ERN1: variants seen among roughly 807,000 people sequenced by gnomAD.
The protein encoded by ERN1 is serine/threonine-protein kinase/endoribonuclease IRE1.
ERN1 carries 39 observed loss-of-function variants against 113.1 expected under a neutral mutation model. The ratio of observed to expected loss-of-function variants is 0.34; its 90% confidence interval spans 0.27 to 0.45. ERN1 has a LOEUF of 0.45. ERN1 is among the 20% of genes least tolerant of loss of function. ERN1 has a pLI of 1.00. For missense variants in ERN1, 976 were observed against 1,274.8 expected (o/e 0.77, Z 3.57); for synonymous variants, 507 against 515.9 (o/e 0.98, Z 0.23).
chr17:64,065,455 G>A (rs773962404), intron 8 of ERN1, among the ~76,000 whole-genome samples, 168 bp from the exon 9 acceptor site: 1 of 152,120 alleles, frequency 6.6e-6, no homozygotes, highest in Non-Finnish European at 1.5e-5. Flanking sequence ...CTGGGAACAG[G>A]ACCACAGGAC....
chr17:64,120,062 C>G (rs908058977), intron 1 of ERN1, among the ~76,000 whole-genome samples: 2 of 152,046 alleles, frequency 1.3e-5, no homozygotes, highest in Non-Finnish European at 2.9e-5. Context: ...TGGCCTTAAA[C>G]ATTTTTTTTT....
chr17:64,123,723 G>A (rs1476784596), intron 1 of ERN1, among the ~76,000 whole-genome samples: 4 of 151,692 alleles, frequency 2.6e-5, no homozygotes, highest in Admixed American at 2.6e-4. Flanking sequence ...TTAGCAACAA[G>A]AAAGTTCATT....
chr17:64,108,237 T>C (rs942651890), intron 1 of ERN1, among the ~76,000 whole-genome samples: 2 of 152,152 alleles, frequency 1.3e-5, no homozygotes, highest in East Asian at 1.9e-4. Flanking sequence ...ATAAATCCAC[T>C]GTATTCCTGA....
rs541102253 is a variant in ERN1 at position 64,055,860 on chromosome 17, AGCTGCTGCT to A, written c.1478_1486del (p.Gln493_Gln495del). ...CGTGTCTCCAGGTGGGTGGAAGGGCAGCTGCTGCTGCTGCTGCTGCAGGAGCTGGATCTT... is the reference window on the plus strand; with the variant it reads ...CGTGTCTCCAGGTGGGTGGAAGGGCAGCTGCTGCTGCAGGAGCTGGATCTT... On this transcript the variant is annotated inframe_deletion, in exon 13 of 22. Transcript: ENST00000433197. The A allele has an allele frequency of 6.5e-7, 1 of 1,543,728 alleles. No individual in the cohort carries two copies. The highest frequency in any genetic ancestry group is 1.4e-5 in the African/African-American group (1 of 72,838).
chr17:64,092,872 C>T (rs527650252), intron 2 of ERN1, among the ~76,000 whole-genome samples: 180 of 152,236 alleles, frequency 1.2e-3, no homozygotes, highest in African/African-American at 1.9e-3. Context: ...GTTTGCATTT[C>T]GTCTAAAAGT....
At position 64,054,129 on chromosome 17, in the gene ERN1, G is replaced by C; in HGVS notation, c.1953+121C>G. ...TAATTTTTGGTTTCTTTGTAGAGAT[G>C]GGGTTTCACCATGTTGTCCAGGCTG... On this transcript the variant is annotated intron_variant, in intron 15 of 21. Transcript: ENST00000433197. This position sits in a 1 kb window ranked among gnomAD's most constrained non-coding sequence, Gnocchi z 4.9. 1 of 878,070 alleles carries C rather than the reference G, an allele frequency of 1.1e-6. No individual in the cohort carries two copies. The highest frequency in any genetic ancestry group is 3.2e-4 in the Middle Eastern group (1 of 3,122). 54.4% of individuals were successfully genotyped at this position (878,070 alleles called of 1,614,324 possible). A position where few individuals can be genotyped will look rare whatever the true frequency, so the allele number is the denominator to read the frequency against.
intron 1 of ERN1, among the ~76,000 whole-genome samples, chr17:64,119,905 T>C (rs1914912398): frequency 6.6e-6 from 1 of 151,998 alleles, no homozygotes. Context: ...CAGAGTCACT[T>C]GGGCCTTAAA....
At chr17:64,081,538 C>G (rs1913768996) in intron 2 of ERN1, among the ~76,000 whole-genome samples, 1 of 152,060 alleles carries the variant, frequency 6.6e-6, no homozygotes, top group South Asian at 2.1e-4. Flanking sequence ...CAAACCTATG[C>G]TATTATGTTC....
chr17:64,087,508 A>G (rs1046390966), intron 2 of ERN1, among the ~76,000 whole-genome samples: 4 of 152,022 alleles, frequency 2.6e-5, no homozygotes, highest in African/African-American at 9.7e-5. Context: ...AAGTCCCCAA[A>G]CCAGTCCCTT....
chr17:64,066,484 T>G (rs1219956978), intron 8 of ERN1, among the ~76,000 whole-genome samples, 187 bp downstream of exon 8: 4 of 152,162 alleles, frequency 2.6e-5, no homozygotes, highest in Non-Finnish European at 5.9e-5. Context: ...AACTCTGAAG[T>G]GTTAATGGGT....
chr17:64,102,914 G>A (rs1319101182), intron 1 of ERN1: 9 of 984,756 alleles, frequency 9.1e-6, no homozygotes, highest in Non-Finnish European at 9.6e-6. Flanking sequence ...AAAAAAAAGT[G>A]GAATATATAC....
At chr17:64,077,510 C>T (rs1292223721) in intron 4 of ERN1, among the ~76,000 whole-genome samples, 1 of 152,010 alleles carries the variant, frequency 6.6e-6, no homozygotes, top group Non-Finnish European at 1.5e-5. Context: ...TTTGGCTTTA[C>T]ATAAGTGAAT....
At chr17:64,053,244 G>A (rs763379163) in intron 16 of ERN1, 28 bp downstream of exon 16, 7 of 1,553,492 alleles carry the variant, frequency 4.5e-6, no homozygotes, top group Non-Finnish European at 6.1e-6. Flanking sequence ...CACCCGGGCC[G>A]CTGGCCTGGT....
intron 1 of ERN1, among the ~76,000 whole-genome samples, chr17:64,099,422 T>C (rs1408847244): frequency 6.6e-6 from 1 of 152,044 alleles, no homozygotes; most frequent in Non-Finnish European, 1.5e-5. Context: ...GGATAAGATT[T>C]CCCTTTTGAG....
intron 2 of ERN1, among the ~76,000 whole-genome samples, chr17:64,086,591 G>C (rs78871650): frequency 0.032 from 4,493 of 140,982 alleles, 248 homozygotes; most frequent in African/African-American, 0.11. Context: ...TTGTGTACGA[G>C]TGTTTATTTG....
chr17:64,119,181 T>C (rs938552582), intron 1 of ERN1, among the ~76,000 whole-genome samples: 1 of 152,042 alleles, frequency 6.6e-6, no homozygotes, highest in Non-Finnish European at 1.5e-5. Flanking sequence ...GTCGGGTAAC[T>C]TTAAATAAAC....
chr17:64,123,628 TAA>T (rs1915006184), intron 1 of ERN1, among the ~76,000 whole-genome samples: 1 of 152,178 alleles, frequency 6.6e-6, no homozygotes, highest in Middle Eastern at 3.2e-3. Flanking sequence ...GAGAGGGCTG[TAA>T]AATACTACAT....
In ERN1 at chr17:64,044,074, G is replaced by T; in HGVS notation, c.2848C>A (p.Leu950Met). 6.2e-7 allele frequency: 1 copy of T among 1,613,662 alleles called. No individual in the cohort carries two copies. The highest frequency in any genetic ancestry group is 8.5e-7 in the Non-Finnish European group (1 of 1,179,752). ...LLAHTYRAME[L>M]CSHERLFQPY... ...TGGAAGAGTCTCTCGTGGCTGCACA[G>T]CTCCATGGCCCGGTAGGTGTGTGCG... Residue 950 changes from leucine to methionine, a missense_variant, in exon 22 of 22, where the codon CTG (leucine) becomes ATG (methionine). Physicochemically the swap from Leu to Met is conservative, Grantham distance 15. This residue lies in a region of ERN1 where 92 missense variants were observed against 87.3 expected (regional missense o/e 1.05). Coordinates refer to ENST00000433197, the MANE Select transcript of ERN1 (RefSeq NM_001433.5). The surrounding 1 kb of genome is among the most constrained non-coding windows in gnomAD (Gnocchi z 4.1).
At chr17:64,087,974 T>C (rs1016543521) in intron 2 of ERN1, among the ~76,000 whole-genome samples, 3 of 152,208 alleles carry the variant, frequency 2.0e-5, no homozygotes, top group African/African-American at 7.2e-5. Flanking sequence ...CAGAAAAATG[T>C]CTTTGATGCA....
Sources: allele counts gnomAD v4.1 joint callset (sites outside exome capture counted in the v4.1 genomes callset), GRCh38; gene constraint gnomAD v4.1.1; regional missense constraint gnomAD v4.1.1; non-coding constraint Gnocchi (gnomAD v3.1); transcripts MANE v1.5; gene names NCBI Gene and HGNC (gene_info 2026-07-23, HGNC 2026-07-21).